LRTM1: variants seen among roughly 807,000 people sequenced by gnomAD.
LRTM1 encodes leucine rich repeat transmembrane protein 1.
A neutral mutation model predicts 32.4 loss-of-function variants in LRTM1; 38 were observed. The ratio of observed to expected loss-of-function variants is 1.17; its 90% confidence interval spans 0.91 to 1.54. The LOEUF (loss-of-function observed/expected upper bound fraction) is 1.54, where lower values mean the gene tolerates loss of function less well. Ranked by LOEUF, LRTM1 falls within the 40% of genes most tolerant of loss-of-function variation. The pLI is 0.00. For synonymous variants in LRTM1, 186 were observed against 169.9 expected, an observed-to-expected ratio of 1.09 and a Z score of -0.74; for missense variants, 466 against 415.4, an observed-to-expected ratio of 1.12 and a Z score of -1.06.
intron 1 of LRTM1, among the ~76,000 whole-genome samples, chr3:54,943,059 A>G (rs1036404321): frequency 6.6e-6 from 1 of 151,836 alleles, no homozygotes; most frequent in African/African-American, 2.4e-5. Flanking sequence ...AAAATTAACC[A>G]TGTGTGGTAG....
intron 1 of LRTM1, among the ~76,000 whole-genome samples, chr3:54,959,713 TTTC>T (rs1701985337): frequency 6.6e-6 from 1 of 152,200 alleles, no homozygotes; most frequent in Non-Finnish European, 1.5e-5. Context: ...GCTTAAATGT[TTTC>T]TTCTGAAAGG....
intron 1 of LRTM1, among the ~76,000 whole-genome samples, chr3:54,954,788 G>C (rs769636089): frequency 9.2e-5 from 14 of 152,182 alleles, no homozygotes; most frequent in Admixed American, 2.6e-4. Flanking sequence ...CTTAAGCATG[G>C]AATGCTTTAG....
chr3:54,930,673 G>A (rs546710694), upstream of LRTM1, among the ~76,000 whole-genome samples: 1 of 152,222 alleles, frequency 6.6e-6, no homozygotes, highest in African/African-American at 2.4e-5. Flanking sequence ...ATGGTCCTGG[G>A]AAAATCCCAG....
At chr3:54,953,315 G>C (rs1379021649) in intron 1 of LRTM1, among the ~76,000 whole-genome samples, 2 of 152,170 alleles carry the variant, frequency 1.3e-5, no homozygotes, top group Non-Finnish European at 2.9e-5. Flanking sequence ...AAGTTTGTCT[G>C]AAATTTTCAA....
Position 54,927,964 on chromosome 3 carries a change from T to A in LRTM1, c.-53A>T. ...GACCTCGTAGACCCTTTAATTAATGTGCAGAGCAACACACGAAGGGCATGG... is the reference window on the plus strand; with the variant it reads ...GACCTCGTAGACCCTTTAATTAATGAGCAGAGCAACACACGAAGGGCATGG... On this transcript the variant is annotated 5_prime_UTR_variant, in exon 1 of 3. Transcript: ENST00000273286. 6.3e-7 allele frequency: 1 copy of A among 1,584,300 alleles called. No homozygotes were observed. Among genetic ancestry groups the A allele is most frequent in the East Asian group, 2.2e-5 (1 of 44,704 alleles).
intron 1 of LRTM1, among the ~76,000 whole-genome samples, chr3:54,955,532 A>T (rs1429770265): frequency 6.6e-6 from 1 of 152,198 alleles, no homozygotes; most frequent in Non-Finnish European, 1.5e-5. Context: ...CACTTAGGAT[A>T]AGAGGAGAAA....
chr3:54,963,023 GAT>G (rs1183737962), intron 1 of LRTM1, among the ~76,000 whole-genome samples: 5 of 152,116 alleles, frequency 3.3e-5, no homozygotes, highest in Admixed American at 6.5e-5. Context: ...CTATTAACAT[GAT>G]ATGAGATGCA....
At chr3:54,928,095 C>T (rs2106948845), upstream of LRTM1, 2 of 597,530 alleles carry the variant, frequency 3.3e-6, no homozygotes, top group South Asian at 4.5e-5. Flanking sequence ...ATTTAAGCAG[C>T]CCTTCCCCTT....
upstream of LRTM1, among the ~76,000 whole-genome samples, chr3:54,932,442 G>A (rs1206334336): frequency 6.6e-6 from 1 of 152,128 alleles, no homozygotes; most frequent in African/African-American, 2.4e-5. Context: ...TAAAGAAAAA[G>A]AGGGGAAAAT....
At chr3:54,962,707 G>C (rs371359111) in intron 1 of LRTM1, among the ~76,000 whole-genome samples, 12 of 152,178 alleles carry the variant, frequency 7.9e-5, no homozygotes, top group African/African-American at 2.4e-4. Context: ...GGAATTCACT[G>C]ATGGTGGCAG....
intron 1 of LRTM1, among the ~76,000 whole-genome samples, chr3:54,943,808 G>T (rs937008075): frequency 1.3e-5 from 2 of 152,064 alleles, no homozygotes; most frequent in Non-Finnish European, 2.9e-5. Context: ...GGGCATGCAG[G>T]CACCTAAGAC....
At chr3:54,948,931 T>C (rs1036634795) in intron 1 of LRTM1, among the ~76,000 whole-genome samples, 2 of 152,228 alleles carry the variant, frequency 1.3e-5, no homozygotes, top group Admixed American at 1.3e-4. Context: ...TGGAAATACA[T>C]TGTTTCATGT....
intron 1 of LRTM1, among the ~76,000 whole-genome samples, chr3:54,962,830 A>G (rs1012463493): frequency 6.6e-6 from 1 of 152,232 alleles, no homozygotes; most frequent in African/African-American, 2.4e-5. Context: ...TGTGCCAGGC[A>G]TAGTGAGCAC....
Position 54,925,066 on chromosome 3 carries a change from G to A in LRTM1, c.157C>T (p.Arg53Ter), listed in dbSNP as rs200259100. 66 of 1,614,090 alleles carry A rather than the reference G, an allele frequency of 4.1e-5. No individual in the cohort carries two copies. Among genetic ancestry groups the A allele is most frequent in the Admixed American group, 2.0e-4 (12 of 59,996 alleles). The change falls in exon 2 of 3, where the codon CGA (arginine) becomes TGA (stop). Residue 53 changes from arginine to a stop codon, truncating the protein, a stop_gained. Transcript: ENST00000273286. LOFTEE classifies it high-confidence loss of function. ...EIPSHLPPQTRTLHLQDNQIH... is the reference protein window; with the variant it reads ...EIPSHLPPQT ...TGATTATCTTGTAAATGCAGCGTTC[G>A]AGTCTGAGGAGGTAAATGGGAAGGG...
At chr3:54,927,687 A>G (rs1418601899) in intron 1 of LRTM1, among the ~76,000 whole-genome samples, 1 of 152,178 alleles carries the variant, frequency 6.6e-6, no homozygotes, top group Non-Finnish European at 1.5e-5. Flanking sequence ...CATGCCAACT[A>G]CATATTCATG....
At chr3:54,950,929 G>A (rs1400727405) in intron 1 of LRTM1, among the ~76,000 whole-genome samples, 1 of 152,204 alleles carries the variant, frequency 6.6e-6, no homozygotes, top group Non-Finnish European at 1.5e-5. Context: ...GATACTCTCT[G>A]GGCTCAGTGG....
intron 2 of LRTM1, 96 bp from the exon 3 acceptor site, chr3:54,918,988 G>T: frequency 3.1e-6 from 3 of 963,248 alleles, no homozygotes; most frequent in Non-Finnish European, 4.2e-6. Flanking sequence ...TGGAATTTAT[G>T]AAGTACCTTT....
rs575419042 is a variant in LRTM1, at chr3:54,940,643, TC to T, written c.-221-15429del. Among the ~76,000 whole-genome samples, 452 of 152,278 alleles carry T rather than the reference TC, an allele frequency of 3.0e-3. 3 individuals carry two copies. Among genetic ancestry groups the T allele is most frequent in the African/African-American group, 0.01 (425 of 41,522 alleles). ...TATTGGAAGTGAACATCACTAGTTT[TC>T]TGGGTGTGAATGCCTAAAAGGACCA... On this transcript the variant is annotated intron_variant, in intron 1 of 2. Coordinates refer to the LRTM1 transcript ENST00000493075.
intron 2 of LRTM1, among the ~76,000 whole-genome samples, chr3:54,920,641 C>CT (rs1168714003): frequency 1.3e-5 from 2 of 152,122 alleles, no homozygotes; most frequent in Non-Finnish European, 2.9e-5. Context: ...ATAGGAGCCT[C>CT]TGCCAGGAAG....
Sources: gnomAD v4.1 joint callset for allele counts (sites outside exome capture counted in the v4.1 genomes callset) on GRCh38, gnomAD v4.1.1 for gene constraint, MANE v1.5 for transcripts, NCBI Gene and HGNC (gene_info 2026-07-23, HGNC 2026-07-21) for gene names.